The following NDC1 variants were observed in gnomAD, a reference collection of about 807,000 sequenced individuals.
NDC1 encodes nucleoporin NDC1.
Under a neutral mutation model 89.8 loss-of-function variants are expected in NDC1, and 24 were observed. That is an observed-to-expected ratio of 0.27 (90% CI 0.19 to 0.38). NDC1 has a LOEUF of 0.38. NDC1 is among the 10% of genes least tolerant of loss of function. The pLI is 1.00. For missense variants in NDC1, 728 were observed against 797.6 expected, an observed-to-expected ratio of 0.91 and a Z score of 1.05; for synonymous variants, 296 against 284.8, an observed-to-expected ratio of 1.04 and a Z score of -0.39.
intron 2 of NDC1, among the ~76,000 whole-genome samples, chr1:53,833,448 A>G (rs937959815): frequency 6.6e-6 from 1 of 152,120 alleles, no homozygotes; most frequent in Admixed American, 6.5e-5. Context: ...GCATATGCAA[A>G]TATTTAATCA....
At position 53,789,210 on chromosome 1, in the gene NDC1, CAAA is replaced by C. The variant is rs777687072; in HGVS notation, c.1636-17_1636-15del. ...GGCCTCTGGGTGCTACAAATAAAAA[CAAA>C]AACATTCAAGTGAATTCCCCTGAGC... On this transcript the variant is annotated splice_polypyrimidine_tract_variant and intron_variant, in intron 14 of 17. Transcript: ENST00000371429. 1 of 1,580,666 alleles carries C rather than the reference CAAA, an allele frequency of 6.3e-7. No individual in the cohort carries two copies. Among genetic ancestry groups the C allele is most frequent in the East Asian group, 2.2e-5 (1 of 44,474 alleles).
intron 15 of NDC1, among the ~76,000 whole-genome samples, chr1:53,787,910 G>T (rs1296447193): frequency 2.7e-5 from 4 of 148,584 alleles, no homozygotes; most frequent in African/African-American, 9.9e-5. Context: ...ACAGTATTCA[G>T]AGAATGGTCA....
At chr1:53,804,956 A>G (rs538471773) in intron 9 of NDC1, among the ~76,000 whole-genome samples, 1 of 152,280 alleles carries the variant, frequency 6.6e-6, no homozygotes, top group South Asian at 2.1e-4. Context: ...TGTATTTTCT[A>G]CTAGGCTGTG....
intron 16 of NDC1, among the ~76,000 whole-genome samples, chr1:53,784,196 G>A (rs992095632): frequency 1.3e-5 from 2 of 150,858 alleles, no homozygotes; most frequent in African/African-American, 4.9e-5. Context: ...GGTGAGTACT[G>A]TTCCAAGAAT....
At chr1:53,792,273 T>C in intron 14 of NDC1, among the ~76,000 whole-genome samples, 1 of 152,020 alleles carries the variant, frequency 6.6e-6, no homozygotes, top group East Asian at 1.9e-4. Flanking sequence ...AGCACTGAAG[T>C]AAAACTTCAG....
At chr1:53,772,183 C>T (rs1245830882) in intron 17 of NDC1, 146 bp downstream of exon 17, 4 of 648,628 alleles carry the variant, frequency 6.2e-6, no homozygotes, top group African/African-American at 5.4e-5. Context: ...AATATTAAGT[C>T]CACATCCAAG....
intron 1 of NDC1, among the ~76,000 whole-genome samples, chr1:53,837,450 A>G (rs1434015510): frequency 6.6e-6 from 1 of 152,154 alleles, no homozygotes; most frequent in Non-Finnish European, 1.5e-5. Flanking sequence ...GTGCGTATCT[A>G]TAATCCCCGC....
intron 2 of NDC1, among the ~76,000 whole-genome samples, chr1:53,833,577 T>A (rs1649134848): frequency 6.6e-6 from 1 of 152,172 alleles, no homozygotes; most frequent in Non-Finnish European, 1.5e-5. Flanking sequence ...TAAAGTAACA[T>A]TTTTGGAAAT....
intron 16 of NDC1, among the ~76,000 whole-genome samples, chr1:53,783,894 G>C (rs1386988984): frequency 6.6e-6 from 1 of 152,186 alleles, no homozygotes; most frequent in Non-Finnish European, 1.5e-5. Flanking sequence ...TATTCTGTTA[G>C]AGCAGCATGA....
At chr1:53,798,792 T>C (rs1383909673) in intron 11 of NDC1, among the ~76,000 whole-genome samples, 4 of 152,190 alleles carry the variant, frequency 2.6e-5, no homozygotes, top group Admixed American at 2.6e-4. Context: ...TGACCTCAAA[T>C]GATCCACCTG....
intron 16 of NDC1, among the ~76,000 whole-genome samples, chr1:53,773,843 C>G (rs540471361): frequency 5.3e-5 from 8 of 152,314 alleles, no homozygotes; most frequent in African/African-American, 1.9e-4. Flanking sequence ...GTGTTCTACT[C>G]TCTCTTAAAG....
At chr1:53,779,955 A>T (rs1570161511) in intron 16 of NDC1, among the ~76,000 whole-genome samples, 1 of 151,078 alleles carries the variant, frequency 6.6e-6, no homozygotes, top group Non-Finnish European at 1.5e-5. Context: ...CCTCCTTCCA[A>T]CCCCTACATT....
intron 16 of NDC1, among the ~76,000 whole-genome samples, chr1:53,777,977 G>A (rs1647175943): frequency 6.6e-6 from 1 of 152,102 alleles, no homozygotes; most frequent in African/African-American, 2.4e-5. Flanking sequence ...GGGATTACAT[G>A]TGTGTGCCAC....
chr1:53,826,527 AG>A (rs1316283293), intron 4 of NDC1, among the ~76,000 whole-genome samples: 1 of 152,182 alleles, frequency 6.6e-6, no homozygotes, highest in Non-Finnish European at 1.5e-5. Context: ...CCTGCTGAAG[AG>A]GAACTCCTGA....
chr1:53,772,209 G>A, intron 17 of NDC1, 120 bp downstream of exon 17: 1 of 857,112 alleles, frequency 1.2e-6, no homozygotes, highest in Non-Finnish European at 1.8e-6. Context: ...AGTTTACAGT[G>A]AGAATCATCA....
At chr1:53,829,906 A>C (rs1648993606) in intron 3 of NDC1, among the ~76,000 whole-genome samples, 1 of 152,142 alleles carries the variant, frequency 6.6e-6, no homozygotes, top group Admixed American at 6.6e-5. Flanking sequence ...TAATCCCAGC[A>C]CTTTGGGAGG....
chr1:53,792,882 C>T (rs758653004), intron 14 of NDC1, among the ~76,000 whole-genome samples: 45 of 152,200 alleles, frequency 3.0e-4, no homozygotes, highest in Non-Finnish European at 5.7e-4. Flanking sequence ...GTCACAAAGA[C>T]GCTAGCAGGA....
At position 53,793,397 on chromosome 1, in the gene NDC1, T is replaced by C. The variant is rs1647585699; in HGVS notation, c.1585-118A>G. 11 of 792,242 alleles carry C rather than the reference T, an allele frequency of 1.4e-5. No homozygotes were observed. In the South Asian group the frequency reaches 1.5e-4, roughly 11 times the overall value. 49.1% of individuals were successfully genotyped at this position (792,242 alleles called of 1,614,324 possible). A position where few individuals can be genotyped will look rare whatever the true frequency, so the allele number is the denominator to read the frequency against. On this transcript the variant is annotated intron_variant, in intron 13 of 17. Transcript: ENST00000371429. Reference sequence around the variant, plus strand: ...ATGAAAAAATGAAACACTTCACATCTTGTGGGCAAAGAATAATAATACTTA... The same window carrying C: ...ATGAAAAAATGAAACACTTCACATCCTGTGGGCAAAGAATAATAATACTTA...
intron 1 of NDC1, among the ~76,000 whole-genome samples, chr1:53,837,151 C>T (rs55673156): frequency 0.12 from 18,049 of 152,220 alleles, 1,201 homozygotes; most frequent in Non-Finnish European, 0.15. Context: ...AAACATACAC[C>T]AGGCACGATG....
Sources: gnomAD v4.1 joint callset for allele counts (sites outside exome capture counted in the v4.1 genomes callset) on GRCh38, gnomAD v4.1.1 for gene constraint, MANE v1.5 for transcripts, NCBI Gene and HGNC (gene_info 2026-07-23, HGNC 2026-07-21) for gene names.